Variants in PSD3 observed in about 807,000 individuals in gnomAD.
The protein encoded by PSD3 is PH and SEC7 domain-containing protein 3.
A neutral mutation model predicts 105.5 loss-of-function variants in PSD3; 49 were observed. The observed-to-expected ratio is 0.46, with a 90% confidence interval of 0.37 to 0.59. PSD3 has a LOEUF of 0.59. PSD3 is among the 20% of genes least tolerant of loss of function. The pLI, the probability that PSD3 is intolerant of heterozygous loss-of-function variation, is 0.00. For synonymous variants in PSD3, 557 were observed against 457.8 expected (o/e 1.22, Z -2.77); for missense variants, 1,561 against 1,263.8 (o/e 1.24, Z -3.57).
intron 4 of PSD3, among the ~76,000 whole-genome samples, chr8:18,847,346 G>A (rs889150820): frequency 1.3e-5 from 2 of 152,144 alleles, no homozygotes; most frequent in African/African-American, 2.4e-5. Flanking sequence ...TTCCATGAAA[G>A]AACAATGCAA....
rs559820436 is a variant in PSD3, at chr8:18,670,185, G to A, written c.2173-14500C>T. Among the ~76,000 whole-genome samples the A allele has an allele frequency of 2.2e-4, 33 of 152,296 alleles. No individual in the cohort carries two copies. The South Asian group carries it at 4.8e-3, about 22-fold the overall frequency. ...GACGTGAGTGACCGGGAGCAGCCAC[G>A]CACAGGTGTGGGGAGCGAGGTAAGC... is the stretch of plus-strand genomic sequence containing the variant. On this transcript the variant is annotated intron_variant, in intron 9 of 15. Transcript: ENST00000327040.
intron 8 of PSD3, among the ~76,000 whole-genome samples, chr8:18,781,788 G>C (rs1011946759): frequency 6.6e-6 from 1 of 151,968 alleles, no homozygotes; most frequent in African/African-American, 2.4e-5. Flanking sequence ...TCGTTAAATG[G>C]GTTTTCTATG....
chr8:18,916,383 G>T (rs1307105969), intron 2 of PSD3, among the ~76,000 whole-genome samples: 1 of 77,842 alleles, frequency 1.3e-5, no homozygotes, highest in East Asian at 3.3e-4. Context: ...CACACAAACA[G>T]AATACTATAC....
chr8:18,740,871 G>C (rs950261362), intron 9 of PSD3, among the ~76,000 whole-genome samples: 1 of 152,048 alleles, frequency 6.6e-6, no homozygotes, highest in Non-Finnish European at 1.5e-5. Context: ...AGCTGCTTCC[G>C]GGTTCAGCAC....
chr8:18,904,950 C>T (rs1188376948), intron 2 of PSD3, among the ~76,000 whole-genome samples: 1 of 152,212 alleles, frequency 6.6e-6, no homozygotes, highest in African/African-American at 2.4e-5. Flanking sequence ...TGGCTACTAA[C>T]TCCCCACCTT....
At position 18,949,235 on chromosome 8, in the gene PSD3, AAAAAAAAAAATATATATATATATAT is replaced by A. The variant is rs1484495077; in HGVS notation, c.22-13118_22-13094del. 8.6e-5 allele frequency among the ~76,000 whole-genome samples: 7 copies of A among 81,670 alleles called. 1 individual carries two copies. The highest frequency in any genetic ancestry group is 3.4e-4 in the African/African-American group (7 of 20,440). 53.6% of individuals were successfully genotyped at this position (81,670 alleles called of 152,430 possible). ...AGACTCTGTCTCAAAAAAAAAAAAAAAAAAAAAAAATATATATATATATATATATATATATATATATATTTATAGT... is the reference window on the plus strand; with the variant it reads ...AGACTCTGTCTCAAAAAAAAAAAAAAATATATATATATATATATTTATAGT... On this transcript the variant is annotated intron_variant, in intron 1 of 15. Coordinates refer to ENST00000327040, the MANE Select transcript of PSD3 (RefSeq NM_015310.4).
intron 10 of PSD3, among the ~76,000 whole-genome samples, chr8:18,640,614 G>T (rs1254973318): frequency 6.6e-6 from 1 of 152,146 alleles, no homozygotes; most frequent in Admixed American, 6.5e-5. Flanking sequence ...TAAGTTTCCT[G>T]AGGCCTTCCC....
intron 2 of PSD3, among the ~76,000 whole-genome samples, chr8:18,903,428 G>C (rs1819641190): frequency 6.6e-6 from 1 of 152,082 alleles, no homozygotes; most frequent in South Asian, 2.1e-4. Context: ...CAGCATGGTG[G>C]GGTGAAGAGT....
intron 9 of PSD3, among the ~76,000 whole-genome samples, chr8:18,692,365 G>C (rs1801019070): frequency 6.6e-6 from 1 of 152,152 alleles, no homozygotes; most frequent in African/African-American, 2.4e-5. Flanking sequence ...TGCAGCTCTG[G>C]AAGTCTCTGA....
chr8:19,081,246 A>T (rs1829636725), intron 1 of PSD3, among the ~76,000 whole-genome samples: 2 of 152,348 alleles, frequency 1.3e-5, no homozygotes, highest in South Asian at 2.1e-4. Flanking sequence ...GCTTCTAGAA[A>T]GCTGGCTGGA....
intron 8 of PSD3, among the ~76,000 whole-genome samples, chr8:18,780,615 G>A (rs1808516092): frequency 1.3e-5 from 2 of 152,006 alleles, no homozygotes; most frequent in African/African-American, 4.8e-5. Flanking sequence ...GTGCAGTGGT[G>A]CGACCTTGGC....
chr8:18,628,360 C>A (rs1291691132), intron 11 of PSD3, among the ~76,000 whole-genome samples: 1 of 151,654 alleles, frequency 6.6e-6, no homozygotes, highest in Non-Finnish European at 1.5e-5. Flanking sequence ...ATCTTGGGTG[C>A]AGAGGAACAA....
intron 13 of PSD3, among the ~76,000 whole-genome samples, chr8:18,574,615 A>C (rs1422675700): frequency 6.6e-6 from 1 of 152,200 alleles, no homozygotes; most frequent in Admixed American, 6.5e-5. Context: ...GAAGGGAAAC[A>C]AAAAAATAAA....
intron 1 of PSD3, among the ~76,000 whole-genome samples, chr8:19,043,946 T>C (rs79599213): frequency 0.014 from 2,075 of 152,350 alleles, 19 homozygotes; most frequent in Middle Eastern, 0.037. Context: ...TGAGTCTTTG[T>C]TTTCTGCTCA....
intron 1 of PSD3, among the ~76,000 whole-genome samples, chr8:18,962,373 A>C (rs1823980061): frequency 6.6e-6 from 1 of 152,244 alleles, no homozygotes; most frequent in Non-Finnish European, 1.5e-5. Flanking sequence ...AATACCACGA[A>C]TTGCCTTTAA....
chr8:18,829,643 C>A (rs1813519001), intron 4 of PSD3, among the ~76,000 whole-genome samples: 1 of 152,142 alleles, frequency 6.6e-6, no homozygotes, highest in Admixed American at 6.5e-5. Context: ...CACATCTACT[C>A]CTCCTGCAAG....
At chr8:18,764,296 T>C (rs947237409) in intron 9 of PSD3, among the ~76,000 whole-genome samples, 41 of 152,198 alleles carry the variant, frequency 2.7e-4, no homozygotes, top group Non-Finnish European at 5.9e-5. Context: ...CAATGGAAGA[T>C]GTAAAACATC....
At position 18,978,170 on chromosome 8, in the gene PSD3, C is replaced by G. The variant is rs76675066; in HGVS notation, c.21+35393G>C. The stretch of plus-strand genomic sequence containing the variant: ...CCAAAGCAGGTAACACAGCTCAGAG[C>G]TGAAGTTTGCTGAAAAGGCCAGAGG... On this transcript the variant is annotated intron_variant, in intron 1 of 15. Coordinates refer to ENST00000327040, the MANE Select transcript of PSD3 (RefSeq NM_015310.4). Among the ~76,000 whole-genome samples the G allele has an allele frequency of 1.5e-3, 234 of 152,354 alleles. 1 individual carries two copies. The highest frequency in any genetic ancestry group is 5.4e-3 in the African/African-American group (225 of 41,592).
intron 4 of PSD3, among the ~76,000 whole-genome samples, chr8:18,815,809 T>C (rs1311739872): frequency 6.6e-6 from 1 of 152,148 alleles, no homozygotes; most frequent in African/African-American, 2.4e-5. Context: ...AGGCAGTTTC[T>C]ACAGCAGCAG....
Sources: gnomAD v4.1 joint callset for allele counts (sites outside exome capture counted in the v4.1 genomes callset) on GRCh38, gnomAD v4.1.1 for gene constraint, MANE v1.5 for transcripts, NCBI Gene and HGNC (gene_info 2026-07-23, HGNC 2026-07-21) for gene names.